Variants in ESPN observed in about 807,000 individuals in gnomAD.
ESPN encodes autosomal recessive deafness type 36 protein.
Under a neutral mutation model 77.7 loss-of-function variants are expected in ESPN, and 68 were observed. The observed-to-expected ratio is 0.87, with a 90% CI of 0.72 to 1.07. The LOEUF (loss-of-function observed/expected upper bound fraction) is 1.07. ESPN is among the 50% of genes least tolerant of loss of function. The pLI is 0.00. For synonymous variants in ESPN, 449 were observed against 567.1 expected, an observed-to-expected ratio of 0.79 and a Z score of 2.96; for missense variants, 1,060 against 1,239.0, an observed-to-expected ratio of 0.86 and a Z score of 2.17.
intron 1 of ESPN, among the ~76,000 whole-genome samples, chr1:6,425,485 G>A (rs1643003018): frequency 6.6e-6 from 1 of 152,270 alleles, no homozygotes; most frequent in Non-Finnish European, 1.5e-5. Context: ...GGTGATGGGA[G>A]CCAGAAGGGA....
chr1:6,460,932 T>C lies in ESPN; in HGVS notation c.*786T>C, dbSNP rs1180385332. 1.1e-5 allele frequency: 4 copies of C among 361,794 alleles called. No individual in the cohort carries two copies. The highest frequency in any genetic ancestry group is 2.3e-5 in the Non-Finnish European group (4 of 177,660). The allele number at this position is 361,794 out of a possible 1,614,324, so 22.4% of individuals were successfully genotyped here. ...CCCATTAAAGCGCTCTCATCTGGGC[T>C]CCGGTTCACTCACTCGCTGTGGCCG... On this transcript the variant is annotated 3_prime_UTR_variant, in exon 13 of 13. Transcript: ENST00000645284.
chr1:6,433,028 A>G (rs1456738646), intron 2 of ESPN, among the ~76,000 whole-genome samples: 1 of 152,174 alleles, frequency 6.6e-6, no homozygotes, highest in African/African-American at 2.4e-5. Flanking sequence ...AGGCTGAGGC[A>G]GGAGAATTGC....
Position 6,449,966 on chromosome 1 carries a change from G to C in ESPN, c.1915+875G>C, listed in dbSNP as rs532877967. 3.3e-4 allele frequency among the ~76,000 whole-genome samples: 50 copies of C among 152,280 alleles called. 1 individual carries two copies. Among genetic ancestry groups the C allele is most frequent in the Non-Finnish European group, 2.2e-4 (15 of 68,024 alleles). ...TCTCCCTGACTAGAAGTGCAGAGCA[G>C]AGCTAGTCCCCCTACGGTTCCTATG... On this transcript the variant is annotated intron_variant, in intron 8 of 12. Coordinates refer to ENST00000645284, the MANE Select transcript of ESPN (RefSeq NM_031475.3).
In ESPN at chr1:6,460,863, A is replaced by G. The variant is rs887578720; in HGVS notation, c.*717A>G. On this transcript the variant is annotated 3_prime_UTR_variant, in exon 13 of 13. Coordinates refer to ENST00000645284, the MANE Select transcript of ESPN (RefSeq NM_031475.3). ...TGAGGGGCCCTGACCCTGTGTCTCC[A>G]ACTGCTGCACCCCATCCCGACCCTG... 2 of 309,816 alleles carry G rather than the reference A, an allele frequency of 6.5e-6. No homozygotes were observed. Among genetic ancestry groups the G allele is most frequent in the South Asian group, 5.7e-5 (2 of 35,386 alleles). 19.2% of individuals were successfully genotyped at this position (309,816 alleles called of 1,614,324 possible).
intron 12 of ESPN, among the ~76,000 whole-genome samples, chr1:6,459,473 G>C (rs1644116474): frequency 6.6e-6 from 1 of 152,114 alleles, no homozygotes; most frequent in African/African-American, 2.4e-5. Flanking sequence ...TCACAATTTA[G>C]ACCAGCCACA....
chr1:6,454,563 G>C (rs1168675217), intron 10 of ESPN: 2 of 398,868 alleles, frequency 5.0e-6, no homozygotes, highest in African/African-American at 4.1e-5. Flanking sequence ...GCAGCAAATC[G>C]AGAACCTGCA....
rs369405672 is a variant in ESPN at position 6,451,755 on chromosome 1, G to A, written c.2061+7G>A. 1,105 of 1,611,518 alleles carry A rather than the reference G, an allele frequency of 6.9e-4. 6 individuals are homozygous for A. The highest frequency in any genetic ancestry group is 6.8e-3 in the South Asian group (620 of 90,776). On this transcript the variant is annotated splice_region_variant and intron_variant, in intron 9 of 12. Coordinates refer to ENST00000645284, the MANE Select transcript of ESPN (RefSeq NM_031475.3). This position sits in a 1 kb window ranked among gnomAD's most constrained non-coding sequence, Gnocchi z 4.3. ...CGGGCAGCCGGCCTTCCAGGTAGGCGGGCCCAGCAGGAGCCTGCGACCCGG... is the reference window on the plus strand; with the variant it reads ...CGGGCAGCCGGCCTTCCAGGTAGGCAGGCCCAGCAGGAGCCTGCGACCCGG...
At chr1:6,431,656 A>G (rs1331239968) in intron 2 of ESPN, among the ~76,000 whole-genome samples, 7 of 148,562 alleles carry the variant, frequency 4.7e-5, no homozygotes, top group Non-Finnish European at 1.0e-4. Flanking sequence ...AAAAAAAAGG[A>G]ACGAACGAAA....
In ESPN at chr1:6,457,412, C is replaced by T. The variant is rs935254214; in HGVS notation, c.2417+40C>T. ...GGCCCCAACCTGCCACCCTTATCCCCACCCAAGTCGCAGAGGGTCGTCCCT... is the reference window on the plus strand; with the variant it reads ...GGCCCCAACCTGCCACCCTTATCCCTACCCAAGTCGCAGAGGGTCGTCCCT... On this transcript the variant is annotated intron_variant, in intron 12 of 12. Coordinates refer to ENST00000645284, the MANE Select transcript of ESPN (RefSeq NM_031475.3). 1.9e-6 allele frequency: 3 copies of T among 1,614,018 alleles called. No homozygotes were observed. The Admixed American group carries it at 5.0e-5, about 27-fold the overall frequency.
intron 2 of ESPN, among the ~76,000 whole-genome samples, chr1:6,433,367 C>T (rs1404441180): frequency 2.6e-5 from 4 of 152,008 alleles, no homozygotes; most frequent in African/African-American, 7.3e-5. Flanking sequence ...TTGCTTGAAC[C>T]TGGAAGGCGG....
chr1:6,459,897 G>A lies in ESPN; in HGVS notation c.2418-102G>A, dbSNP rs1557722296. Reference sequence around the variant, plus strand: ...GCCCTCAGTAACCCACCCCTTGCATGGGTGACCTGGCCTCTGCCTGGTGCC... The same window carrying A: ...GCCCTCAGTAACCCACCCCTTGCATAGGTGACCTGGCCTCTGCCTGGTGCC... On this transcript the variant is annotated intron_variant, in intron 12 of 12. Coordinates refer to ENST00000645284, the MANE Select transcript of ESPN (RefSeq NM_031475.3). 4 of 1,470,224 alleles carry A rather than the reference G, an allele frequency of 2.7e-6. No homozygotes were observed. In the East Asian group the frequency reaches 9.3e-5, roughly 34 times the overall value. The allele number at this position is 1,470,224 out of a possible 1,614,324, so 91.1% of individuals were successfully genotyped here.
intron 10 of ESPN, chr1:6,454,707 GCCGCCAGCCTGC>G (rs1190968219): frequency 2.5e-6 from 1 of 398,456 alleles, no homozygotes; most frequent in African/African-American, 2.1e-5. Context: ...GCATGGCCGC[GCCGCCAGCCTGC>G]CCGCCTGGTG....
intron 10 of ESPN, chr1:6,454,485 C>T (rs2148543542): frequency 2.5e-6 from 1 of 399,032 alleles, no homozygotes; most frequent in East Asian, 3.6e-5. Flanking sequence ...GAGGTACTCC[C>T]GCGAGCACAA....
chr1:6,445,552 C>T (rs553410344), intron 6 of ESPN, 112 bp from the exon 7 acceptor site: 12 of 1,241,886 alleles, frequency 9.7e-6, no homozygotes, highest in South Asian at 7.7e-5. Flanking sequence ...AAGTGGTGCC[C>T]GGAGCCCACC....
intron 10 of ESPN, chr1:6,456,307 G>C: frequency 2.6e-6 from 1 of 388,452 alleles, no homozygotes. Flanking sequence ...CCAGGACTGT[G>C]GCCTTGAGCA....
chr1:6,433,132 A>AAAAAAGAAAAAAG (rs143456789), intron 2 of ESPN, among the ~76,000 whole-genome samples: 2 of 147,842 alleles, frequency 1.4e-5, no homozygotes, highest in African/African-American at 5.0e-5. Context: ...AAAAAAAAAG[A>AAAAAAGAAAAAAG]AAAAAGAAAA....
At position 6,424,795 on chromosome 1, in the gene ESPN, C is replaced by G. The variant is rs1263250185; in HGVS notation, c.-161C>G. The G allele has an allele frequency of 4.5e-5, 32 of 717,846 alleles. No individual in the cohort carries two copies. The highest frequency in any genetic ancestry group is 5.7e-5 in the Non-Finnish European group (30 of 527,336). The allele number at this position is 717,846 out of a possible 1,614,324, so 44.5% of individuals were successfully genotyped here. A position where few individuals can be genotyped will look rare whatever the true frequency, so the allele number is the denominator to read the frequency against. On this transcript the variant is annotated 5_prime_UTR_variant, in exon 1 of 13. Transcript: ENST00000645284. ...GGCCCCAGAGCGCGGCGGAGCGGAG[C>G]GCCAGGCAGCGCGGAGCGGAGGCCA...
rs544486938 is a variant in ESPN, at chr1:6,436,475, A to T, written c.489-3779A>T. Among the ~76,000 whole-genome samples the T allele has an allele frequency of 1.2e-4, 14 of 116,740 alleles. No homozygotes were observed. In the East Asian group the frequency reaches 3.3e-3, roughly 27 times the overall value. The allele number at this position is 116,740 out of a possible 152,430, so 76.6% of individuals were successfully genotyped here. On this transcript the variant is annotated intron_variant, in intron 2 of 12. Transcript: ENST00000645284. ...TTAATTCCTCTCTCCAGTGATGGGA[A>T]TTTTTTCTTATTTATTTATTTATTT...
intron 7 of ESPN, 62 bp downstream of exon 7, chr1:6,445,997 G>C (rs376006896): frequency 8.8e-5 from 137 of 1,553,232 alleles, no homozygotes; most frequent in Admixed American, 3.6e-4. Flanking sequence ...GGGGGCCAGT[G>C]AGGCCAAAGG....
Sources: gnomAD v4.1 joint callset for allele counts (sites outside exome capture counted in the v4.1 genomes callset) on GRCh38, gnomAD v4.1.1 for gene constraint, Gnocchi (gnomAD v3.1) non-coding constraint, MANE v1.5 for transcripts, NCBI Gene and HGNC (gene_info 2026-07-23, HGNC 2026-07-21) for gene names.